Variants in DHX8 observed in about 807,000 individuals in gnomAD.
DHX8 encodes the protein ATP-dependent RNA helicase DHX8.
In DHX8, 67 loss-of-function variants were observed where a neutral mutation model predicts 140.7. The ratio of observed to expected loss-of-function variants is 0.48; its 90% confidence interval spans 0.39 to 0.58. The LOEUF is 0.58. DHX8 is among the 20% of genes least tolerant of loss of function. The probability of loss-of-function intolerance (pLI) is 0.00; values close to 1 mark genes in which losing one functional copy is unlikely to be tolerated. For synonymous variants in DHX8, 533 were observed against 553.2 expected, an observed-to-expected ratio of 0.96 and a Z score of 0.51; for missense variants, 887 against 1,550.7, an observed-to-expected ratio of 0.57 and a Z score of 7.19.
At chr17:43,511,454 GCA>G (rs1969819854) in intron 16 of DHX8, among the ~76,000 whole-genome samples, 2 of 8,514 alleles carry the variant, frequency 2.3e-4, no homozygotes, top group South Asian at 4.6e-3. Context: ...TGTGATCCCA[GCA>G]TTTTTTTTTT....
downstream of DHX8, chr17:43,530,102 C>T (rs1970827162): frequency 1.3e-6 from 2 of 1,597,144 alleles, no homozygotes. Context: ...GGGGGGCTGC[C>T]TTACCCATGG....
At chr17:43,523,468 T>C (rs768827280) in intron 22 of DHX8, among the ~76,000 whole-genome samples, 160 bp from the exon 23 acceptor site, 9 of 152,194 alleles carry the variant, frequency 5.9e-5, no homozygotes, top group Non-Finnish European at 1.0e-4. Context: ...GCTTCAGTAT[T>C]GGGGTGTGGC....
At position 43,496,252 on chromosome 17, in the gene DHX8, G is replaced by A; in HGVS notation, c.1284G>A (p.Lys428=). The A allele has an allele frequency of 6.2e-7, 1 of 1,613,448 alleles. No individual in the cohort carries two copies. Among genetic ancestry groups the A allele is most frequent in the Non-Finnish European group, 8.5e-7 (1 of 1,179,578 alleles). ...ATGAAGAGACTGGCATTCTCCCTAA[G>A]GTGGATGATGAAGAAGGTAACTAGT... The part of the protein sequence containing the change: ...DFDEETGILP[K]VDDEEDEDLE... The change falls in exon 9 of 23, where the codon AAG becomes AAA. Residue 428 remains lysine (K), a synonymous_variant. Coordinates refer to ENST00000262415, the MANE Select transcript of DHX8 (RefSeq NM_004941.3).
rs141503295 is a variant in DHX8, at chr17:43,522,999, G to A, written c.3444-629G>A. ...AATAGCTTGAACCCGGGAGGCAGAG[G>A]TTGCAGTGAGCTGAGATTGTGCCAT... On this transcript the variant is annotated intron_variant, in intron 22 of 22. Transcript: ENST00000262415. 3.8e-3 allele frequency among the ~76,000 whole-genome samples: 557 copies of A among 148,400 alleles called. 7 individuals are homozygous for A. Among genetic ancestry groups the A allele is most frequent in the African/African-American group, 0.011 (448 of 40,426 alleles).
intron 1 of DHX8, 127 bp from the exon 2 acceptor site, chr17:43,489,322 C>G: frequency 1.5e-6 from 1 of 658,400 alleles, no homozygotes; most frequent in East Asian, 2.8e-5. Flanking sequence ...CTCTCTTTAC[C>G]CTTACCAGAT....
rs1156858632 is a variant in DHX8, at chr17:43,524,101, C to T, written c.*254C>T. On this transcript the variant is annotated 3_prime_UTR_variant, in exon 23 of 23. Transcript: ENST00000262415. ...GGAGCTCATATCTAACACAGAGACA[C>T]ATTGCATCAACTTCAAGAAAGGGAC... is the stretch of plus-strand genomic sequence containing the variant. 2 of 1,339,074 alleles carry T rather than the reference C, an allele frequency of 1.5e-6. No individual in the cohort carries two copies. The highest frequency in any genetic ancestry group is 1.9e-6 in the Non-Finnish European group (2 of 1,040,914). The allele number at this position is 1,339,074 out of a possible 1,614,324, so 82.9% of individuals were successfully genotyped here.
intron 11 of DHX8, among the ~76,000 whole-genome samples, chr17:43,500,974 G>A (rs894299083): frequency 1.3e-5 from 2 of 151,696 alleles, no homozygotes; most frequent in Admixed American, 6.6e-5. Context: ...ATAATTCTTT[G>A]TGCAGTAAAT....
chr17:43,489,887 C>T (rs1487346676), intron 2 of DHX8, among the ~76,000 whole-genome samples: 1 of 152,088 alleles, frequency 6.6e-6, no homozygotes, highest in African/African-American at 2.4e-5. Flanking sequence ...TTTAATGTCA[C>T]TATTGATTTT....
At chr17:43,510,736 A>G (rs184959980) in intron 16 of DHX8, among the ~76,000 whole-genome samples, 2 of 152,296 alleles carry the variant, frequency 1.3e-5, no homozygotes, top group East Asian at 3.9e-4. Context: ...GAACAATTTT[A>G]TCTCCCTAAA....
intron 11 of DHX8, among the ~76,000 whole-genome samples, chr17:43,501,296 T>C (rs1031560708): frequency 2.0e-5 from 3 of 151,444 alleles, no homozygotes; most frequent in Non-Finnish European, 4.4e-5. Flanking sequence ...GCCTGAGGAG[T>C]AGCCCGTGTT....
chr17:43,495,200 A>G (rs997622332), intron 8 of DHX8, among the ~76,000 whole-genome samples: 1 of 152,176 alleles, frequency 6.6e-6, no homozygotes. Flanking sequence ...CGAATATATC[A>G]TGGTTGCTAT....
chr17:43,511,455 C>CTTTTTTTTTTTTTTTTTT (rs1279628229), intron 16 of DHX8, among the ~76,000 whole-genome samples: 2 of 6,590 alleles, frequency 3.0e-4, no homozygotes, highest in Admixed American at 1.7e-3. Context: ...GTGATCCCAG[C>CTTTTTTTTTTTTTTTTTT]ATTTTTTTTT....
At chr17:43,516,831 C>T (rs915348286) in intron 17 of DHX8, among the ~76,000 whole-genome samples, 1 of 152,142 alleles carries the variant, frequency 6.6e-6, no homozygotes, top group African/African-American at 2.4e-5. Context: ...CATTTTTGGT[C>T]ATAACTGTGG....
At chr17:43,501,704 C>T (rs1969207043) in intron 11 of DHX8, among the ~76,000 whole-genome samples, 1 of 149,166 alleles carries the variant, frequency 6.7e-6, no homozygotes, top group South Asian at 2.1e-4. Context: ...AGGCTGGTCT[C>T]GAACTCGCGA....
chr17:43,488,687 T>G (rs1217077593), intron 1 of DHX8, among the ~76,000 whole-genome samples: 1 of 152,124 alleles, frequency 6.6e-6, no homozygotes, highest in African/African-American at 2.4e-5. Flanking sequence ...ATGTGGAGAT[T>G]GCACCACCCA....
chr17:43,543,276 A>ACTCTCTCTCTCTCTCTCT (rs60214474), intron 3 of DHX8, among the ~76,000 whole-genome samples: 9 of 138,140 alleles, frequency 6.5e-5, no homozygotes, highest in East Asian at 2.2e-4. Flanking sequence ...ACACACACAC[A>ACTCTCTCTCTCTCTCTCT]CTCTCTCTCT....
At chr17:43,511,740 G>A (rs1160025124) in intron 16 of DHX8, among the ~76,000 whole-genome samples, 2 of 150,756 alleles carry the variant, frequency 1.3e-5, no homozygotes, top group African/African-American at 4.9e-5. Flanking sequence ...TTACAGGCAT[G>A]AGCCACCACG....
In DHX8 at chr17:43,505,399, C is replaced by G. The variant is rs545086292; in HGVS notation, c.1728+574C>G. 2.6e-3 allele frequency among the ~76,000 whole-genome samples: 392 copies of G among 151,256 alleles called. 1 individual carries two copies. Among genetic ancestry groups the G allele is most frequent in the African/African-American group, 9.1e-3 (376 of 41,218 alleles). ...ACTCCAGCCTGGCTACAGAGAGAGA[C>G]TCTGTCTAAAAAAAAAAAAATTACC... On this transcript the variant is annotated intron_variant, in intron 12 of 22. Transcript: ENST00000262415.
chr17:43,491,719 G>T (rs1409981580), intron 4 of DHX8, among the ~76,000 whole-genome samples: 1 of 152,074 alleles, frequency 6.6e-6, no homozygotes. Flanking sequence ...TTTTGGGGTA[G>T]GGAGCAGGAA....
Sources: gnomAD v4.1 joint callset for allele counts (sites outside exome capture counted in the v4.1 genomes callset) on GRCh38, gnomAD v4.1.1 for gene constraint, MANE v1.5 for transcripts, NCBI Gene and HGNC (gene_info 2026-07-23, HGNC 2026-07-21) for gene names.